The following ZNF385B variants were observed in gnomAD, a reference collection of about 807,000 sequenced individuals.
ZNF385B encodes the protein zinc finger protein 385B, also known as zinc finger protein 533.
A neutral mutation model predicts 39.2 loss-of-function variants in ZNF385B; 23 were observed. That is an observed-to-expected ratio of 0.59 (90% CI 0.42 to 0.83). The LOEUF is 0.83. ZNF385B is among the 40% of genes least tolerant of loss of function. The pLI is 0.00. For synonymous variants in ZNF385B, 205 were observed against 222.6 expected (o/e 0.92, Z 0.70); for missense variants, 552 against 598.9 (o/e 0.92, Z 0.82).
At chr2:179,774,435 A>G (rs1032839986) in intron 1 of ZNF385B, among the ~76,000 whole-genome samples, 1 of 151,664 alleles carries the variant, frequency 6.6e-6, no homozygotes, top group African/African-American at 2.4e-5. Context: ...ATCTTGGCTC[A>G]TTGCAACCTC....
intron 1 of ZNF385B, among the ~76,000 whole-genome samples, chr2:179,773,995 G>T (rs192214167): frequency 3.2e-4 from 48 of 152,238 alleles, no homozygotes; most frequent in Non-Finnish European, 6.6e-4. Flanking sequence ...GGAGGTGAGT[G>T]TGATGTGTGT....
rs766986299 is a variant in ZNF385B, at chr2:179,445,773, T to C, written c.962-45A>G. 4.0e-6 allele frequency: 6 copies of C among 1,491,014 alleles called. No homozygotes were observed. The South Asian group carries it at 4.3e-5, about 11-fold the overall frequency. 92.4% of individuals were successfully genotyped at this position (1,491,014 alleles called of 1,614,324 possible). ...ATATTAAATAGCTATCCAAGAATTA[T>C]ATAAAGCTCTTTGTTTTCTTATCCT... On this transcript the variant is annotated intron_variant, in intron 7 of 9. Transcript: ENST00000410066.
chr2:179,687,158 T>C (rs897987348), intron 3 of ZNF385B, among the ~76,000 whole-genome samples: 4 of 151,232 alleles, frequency 2.6e-5, no homozygotes, highest in African/African-American at 9.7e-5. Context: ...GGTGCTTGAG[T>C]GCAGTCCAGC....
chr2:179,705,268 C>T (rs1368273925), intron 3 of ZNF385B, among the ~76,000 whole-genome samples: 1 of 152,148 alleles, frequency 6.6e-6, no homozygotes, highest in Non-Finnish European at 1.5e-5. Flanking sequence ...CATTGCTCCT[C>T]AATTATACCT....
intron 1 of ZNF385B, among the ~76,000 whole-genome samples, chr2:179,797,727 G>A (rs548891358): frequency 4.6e-5 from 7 of 152,158 alleles, no homozygotes; most frequent in Admixed American, 2.6e-4. Context: ...TCTGAAAACC[G>A]ATAGTCAGAT....
Position 179,773,598 on chromosome 2 carries a change from TTATA to T in ZNF385B, c.-154-2930_-154-2927del, listed in dbSNP as rs575262685. Among the ~76,000 whole-genome samples, 27 of 152,352 alleles carry T rather than the reference TTATA, an allele frequency of 1.8e-4. No homozygotes were observed. The East Asian group carries it at 5.2e-3, about 29-fold the overall frequency. ...ATTCTTATATTATTGGTTTAATTATTTATATAGTTTTATGACATATATATGGTTT... is the reference window on the plus strand; with the variant it reads ...ATTCTTATATTATTGGTTTAATTATTTAGTTTTATGACATATATATGGTTT... On this transcript the variant is annotated intron_variant, in intron 1 of 9. Transcript: ENST00000410066.
chr2:179,789,599 T>C (rs992845009), intron 1 of ZNF385B, among the ~76,000 whole-genome samples: 28 of 152,284 alleles, frequency 1.8e-4, no homozygotes, highest in African/African-American at 6.3e-4. Flanking sequence ...ATTTAAATGG[T>C]ATTATACAAC....
At chr2:179,463,142 A>C (rs950858124) in intron 6 of ZNF385B, among the ~76,000 whole-genome samples, 1 of 152,128 alleles carries the variant, frequency 6.6e-6, no homozygotes, top group Non-Finnish European at 1.5e-5. Flanking sequence ...TAGTCCATGC[A>C]GATAAAACTT....
At chr2:179,570,220 G>C (rs539691267) in intron 3 of ZNF385B, among the ~76,000 whole-genome samples, 1 of 152,262 alleles carries the variant, frequency 6.6e-6, no homozygotes, top group South Asian at 2.1e-4. Context: ...TACCACTCCT[G>C]CAAGTCCTCC....
At chr2:179,660,527 G>T (rs1694340775) in intron 3 of ZNF385B, among the ~76,000 whole-genome samples, 1 of 151,898 alleles carries the variant, frequency 6.6e-6, no homozygotes. Flanking sequence ...ATTAATGTCT[G>T]CTTCCAAGTT....
chr2:179,548,408 G>GGTTT (rs34315008), intron 3 of ZNF385B, among the ~76,000 whole-genome samples: 21,451 of 148,354 alleles, frequency 0.14, 2,576 homozygotes, highest in Non-Finnish European at 0.17. Flanking sequence ...TGGCATGTAA[G>GGTTT]GTTTGTTTGT....
Position 179,686,964 on chromosome 2 carries a change from GTT to G in ZNF385B, c.298+82537_298+82538del, listed in dbSNP as rs5836693. On this transcript the variant is annotated intron_variant, in intron 3 of 9. Coordinates refer to ENST00000410066, the MANE Select transcript of ZNF385B (RefSeq NM_152520.6). ...GACTAGCCTAGCCAAAATTTGTACT[GTT>G]TTTTTTTTTTTCAAAATATCTTCAT... Among the ~76,000 whole-genome samples the G allele has an allele frequency of 9.1e-5, 13 of 142,118 alleles. No individual in the cohort carries two copies. The East Asian group carries it at 2.5e-3, about 27-fold the overall frequency. The allele number at this position is 142,118 out of a possible 152,430, so 93.2% of individuals were successfully genotyped here.
In ZNF385B at chr2:179,650,658, C is replaced by T. The variant is rs1693115772; in HGVS notation, c.299-105689G>A. ...GCCTTTGGCAGTCATTTGGTTATAT[C>T]AGTAACTCACATCTATTCCATACAG... On this transcript the variant is annotated intron_variant, in intron 3 of 9. Coordinates refer to ENST00000410066, the MANE Select transcript of ZNF385B (RefSeq NM_152520.6). Among the ~76,000 whole-genome samples, 3 of 152,172 alleles carry T rather than the reference C, an allele frequency of 2.0e-5. No individual in the cohort carries two copies. In the South Asian group the frequency reaches 6.2e-4, roughly 32 times the overall value.
At chr2:179,772,317 A>G (rs778799371) in intron 1 of ZNF385B, among the ~76,000 whole-genome samples, 9 of 152,148 alleles carry the variant, frequency 5.9e-5, no homozygotes, top group Non-Finnish European at 1.2e-4. Flanking sequence ...ACCTTCTCCA[A>G]GAGTTATTCT....
At chr2:179,637,627 C>T in intron 3 of ZNF385B, among the ~76,000 whole-genome samples, 1 of 151,728 alleles carries the variant, frequency 6.6e-6, no homozygotes, top group East Asian at 1.9e-4. Context: ...AAGCATCGCA[C>T]CGAATGCCTG....
At chr2:179,502,878 C>G (rs971312852) in intron 5 of ZNF385B, among the ~76,000 whole-genome samples, 5 of 152,090 alleles carry the variant, frequency 3.3e-5, no homozygotes, top group Admixed American at 6.6e-5. Flanking sequence ...TCTACCACAA[C>G]AATTTTGGTT....
At chr2:179,656,401 A>T (rs527386574) in intron 3 of ZNF385B, among the ~76,000 whole-genome samples, 1 of 152,316 alleles carries the variant, frequency 6.6e-6, no homozygotes, top group Admixed American at 6.5e-5. Context: ...CAGAACAAGT[A>T]AGAGGTACAG....
chr2:179,717,965 A>C (rs773697797), intron 3 of ZNF385B, among the ~76,000 whole-genome samples: 28 of 152,312 alleles, frequency 1.8e-4, no homozygotes, highest in Admixed American at 3.3e-4. Context: ...ACTTTTCCTT[A>C]CATAAATTAA....
Position 179,769,593 on chromosome 2 carries a change from C to T in ZNF385B, c.208G>A (p.Gly70Ser), listed in dbSNP as rs1308267667. Reference sequence around the variant, plus strand: ...TTCACTCGTTTGCGGTGGGATTTGCCGTTGGAATGCACCTGAGCCTGGGCT... The same window carrying T: ...TTCACTCGTTTGCGGTGGGATTTGCTGTTGGAATGCACCTGAGCCTGGGCT... ...SAAQAQVHSNGKSHRKRVKQL... is the reference protein window; with the variant it reads ...SAAQAQVHSNSKSHRKRVKQL... The change falls in exon 3 of 10, where the codon GGC (glycine) becomes AGC (serine). Residue 70 changes from glycine (G) to serine (S), a missense_variant. By Grantham distance (56) the Gly-to-Ser change is moderately conservative. Transcript: ENST00000410066. 3.7e-6 allele frequency: 6 copies of T among 1,614,120 alleles called. No individual in the cohort carries two copies. Among genetic ancestry groups the T allele is most frequent in the African/African-American group, 1.3e-5 (1 of 75,008 alleles).
Sources: allele counts gnomAD v4.1 joint callset (sites outside exome capture counted in the v4.1 genomes callset), GRCh38; gene constraint gnomAD v4.1.1; transcripts MANE v1.5; gene names NCBI Gene and HGNC (gene_info 2026-07-23, HGNC 2026-07-21).